The following SEZ6 variants were observed in gnomAD, a reference collection of about 807,000 sequenced individuals.
SEZ6 encodes seizure protein 6 homolog.
A neutral mutation model predicts 101.0 loss-of-function variants in SEZ6; 53 were observed. The observed-to-expected ratio is 0.52, with a 90% CI of 0.42 to 0.66. The LOEUF (loss-of-function observed/expected upper bound fraction) is 0.66. Among genes scored for constraint, SEZ6 ranks in the 30% least tolerant of loss-of-function variants. The pLI is 0.00. For synonymous variants in SEZ6, 488 were observed against 512.2 expected (o/e 0.95, Z 0.64); for missense variants, 1,102 against 1,289.4 (o/e 0.85, Z 2.23).
At position 28,959,765 on chromosome 17, in the gene SEZ6, G is replaced by C. The variant is rs376347264; in HGVS notation, c.1704C>G (p.Gly568=). ...SCDPGYTLEQ[G]SIIIECVDPH... ...GGTCAACACACTCGATGATGATGGA[G>C]CCCTGCTCCAGGGTGTAGCCAGGGT... is the stretch of plus-strand genomic sequence containing the variant. Residue 568 remains glycine (G), a synonymous_variant, in exon 8 of 17, where the codon GGC becomes GGG. Coordinates refer to ENST00000317338, the MANE Select transcript of SEZ6 (RefSeq NM_178860.5). The surrounding 1 kb of genome is among the most constrained non-coding windows in gnomAD (Gnocchi z 4.4). 23 of 1,613,240 alleles carry C rather than the reference G, an allele frequency of 1.4e-5. No individual in the cohort carries two copies. Among genetic ancestry groups the C allele is most frequent in the Non-Finnish European group, 1.9e-5 (23 of 1,179,588 alleles).
chr17:28,960,891 G>A lies in SEZ6; in HGVS notation c.1323C>T (p.Leu441=), dbSNP rs752630557. The A allele has an allele frequency of 1.9e-6, 3 of 1,613,984 alleles. No homozygotes were observed. Among genetic ancestry groups the A allele is most frequent in the South Asian group, 2.2e-5 (2 of 91,086 alleles). Residue 441 remains leucine (L), a synonymous_variant, in exon 6 of 17, where the codon CTC becomes CTT. Coordinates refer to ENST00000317338, the MANE Select transcript of SEZ6 (RefSeq NM_178860.5). ...PGFPGNYSNN[L]TCHWLLEAPE... is the part of the protein sequence containing the mutation. ...GAGCCTCAAGCAGCCAGTGACAGGTGAGGTTGTTGCTGTAGTTGCCCGGGA... is the reference window on the plus strand; with the variant it reads ...GAGCCTCAAGCAGCCAGTGACAGGTAAGGTTGTTGCTGTAGTTGCCCGGGA...
chr17:28,979,554 G>T, intron 3 of SEZ6, 126 bp downstream of exon 3: 1 of 1,384,810 alleles, frequency 7.2e-7, no homozygotes, highest in Non-Finnish European at 9.9e-7. Flanking sequence ...TCCCAGCCCT[G>T]GCCTTAGGCG....
intron 3 of SEZ6, among the ~76,000 whole-genome samples, chr17:28,973,072 C>T (rs537880668): frequency 6.6e-5 from 10 of 152,166 alleles, no homozygotes; most frequent in South Asian, 2.1e-4. Flanking sequence ...GAAGCTGTAG[C>T]GACAGAGTAA....
intron 1 of SEZ6, among the ~76,000 whole-genome samples, chr17:29,004,502 T>A (rs1452890069): frequency 1.3e-5 from 2 of 152,144 alleles, no homozygotes; most frequent in African/African-American, 4.8e-5. Context: ...CTGGGCTGTG[T>A]GCAAGTGGAG....
At position 28,959,625 on chromosome 17, in the gene SEZ6, C is replaced by T. The variant is rs942740522; in HGVS notation, c.1771+73G>A. 4.2e-5 allele frequency: 65 copies of T among 1,530,996 alleles called. No individual in the cohort carries two copies. Among genetic ancestry groups the T allele is most frequent in the Middle Eastern group, 2.4e-4 (1 of 4,166 alleles). The allele number at this position is 1,530,996 out of a possible 1,614,324, so 94.8% of individuals were successfully genotyped here. ...GCATATCACAGGGCCCCTGTGGCCC[C>T]GGGCTCTGCTGCTATTCTCCTGGTA... On this transcript the variant is annotated intron_variant, in intron 8 of 16. Coordinates refer to ENST00000317338, the MANE Select transcript of SEZ6 (RefSeq NM_178860.5). The surrounding 1 kb of genome is among the most constrained non-coding windows in gnomAD (Gnocchi z 4.4).
chr17:28,974,811 C>G (rs1244398378), intron 3 of SEZ6, among the ~76,000 whole-genome samples: 1 of 152,138 alleles, frequency 6.6e-6, no homozygotes, highest in Admixed American at 6.5e-5. Context: ...TGACAGGTAC[C>G]GGTCTCCGCC....
At position 28,955,728 on chromosome 17, in the gene SEZ6, C is replaced by A. The variant is rs147119635; in HGVS notation, c.*234G>T. ...GCTATGTTCTTCCCACAGGTAGATG[C>A]CCCCTGACATGGGCCCAATGAAGGG... On this transcript the variant is annotated 3_prime_UTR_variant, in exon 17 of 17. Coordinates refer to ENST00000317338, the MANE Select transcript of SEZ6 (RefSeq NM_178860.5). 5.8e-3 allele frequency: 4,007 copies of A among 686,642 alleles called. 24 individuals carry two copies. Among genetic ancestry groups the A allele is most frequent in the Non-Finnish European group, 7.5e-3 (2,805 of 375,270 alleles). The allele number at this position is 686,642 out of a possible 1,614,324, so 42.5% of individuals were successfully genotyped here.
chr17:28,972,556 C>T (rs1038603939), intron 3 of SEZ6, among the ~76,000 whole-genome samples: 7 of 152,128 alleles, frequency 4.6e-5, no homozygotes, highest in African/African-American at 1.4e-4. Flanking sequence ...TGCTGGAGGC[C>T]GAGGCGTCTC....
intron 10 of SEZ6, among the ~76,000 whole-genome samples, chr17:28,958,481 C>T (rs181292239): frequency 3.5e-3 from 533 of 152,254 alleles, no homozygotes; most frequent in Admixed American, 5.7e-3. Context: ...TTCCTTAGTT[C>T]CCCCATTTTT....
At position 28,979,879 on chromosome 17, in the gene SEZ6, CCGTGTG is replaced by C. The variant is rs1235878568; in HGVS notation, c.725-72_725-67del. ...GTGAAGTGGTCCAACTAAGGCTGAACCGTGTGTGTGTGTGTGTGTGTGTGTGTGTGT... is the reference window on the plus strand; with the variant it reads ...GTGAAGTGGTCCAACTAAGGCTGAACTGTGTGTGTGTGTGTGTGTGTGTGT... On this transcript the variant is annotated intron_variant, in intron 2 of 16. Coordinates refer to ENST00000317338, the MANE Select transcript of SEZ6 (RefSeq NM_178860.5). 6.6e-6 allele frequency: 8 copies of C among 1,216,748 alleles called. No individual in the cohort carries two copies. The South Asian group carries it at 7.2e-5, about 11-fold the overall frequency. 75.4% of individuals were successfully genotyped at this position (1,216,748 alleles called of 1,614,324 possible).
chr17:28,991,586 C>T (rs1437239028), intron 1 of SEZ6, among the ~76,000 whole-genome samples: 1 of 152,184 alleles, frequency 6.6e-6, no homozygotes, highest in Non-Finnish European at 1.5e-5. Flanking sequence ...CTCAGCCTTA[C>T]AGTAGTCACA....
chr17:29,005,820 G>T lies in SEZ6; in HGVS notation c.50C>A (p.Ala17Asp). 1 of 1,485,512 alleles carries T rather than the reference G, an allele frequency of 6.7e-7. No homozygotes were observed. Among genetic ancestry groups the T allele is most frequent in the Middle Eastern group, 2.2e-4 (1 of 4,466 alleles). The allele number at this position is 1,485,512 out of a possible 1,614,324, so 92.0% of individuals were successfully genotyped here. A position where few individuals can be genotyped will look rare whatever the true frequency, so the allele number is the denominator to read the frequency against. ...LLLPSLLALL[A>D]HGLSLEAPTV... ...CGGATGCCGGGGTCCCTTACCGTGA[G>T]CCAGGAGCGCCAGCAGCGAGGGCAG... is the stretch of plus-strand genomic sequence containing the variant. The change falls in exon 1 of 17, where the codon GCT becomes GAT. Residue 17 changes from alanine (A) to aspartate (D), a missense_variant. This residue lies in a region of SEZ6 where 406 missense variants were observed against 418.6 expected (regional missense o/e 0.97). Transcript: ENST00000317338. This position sits in a 1 kb window ranked among gnomAD's most constrained non-coding sequence, Gnocchi z 4.8.
In SEZ6 at chr17:28,956,123, C is replaced by A. The variant is rs201092294; in HGVS notation, c.2952+36G>T. 1.8e-5 allele frequency: 29 copies of A among 1,597,130 alleles called. 1 individual carries two copies. In the East Asian group the frequency reaches 6.5e-4, roughly 36 times the overall value. On this transcript the variant is annotated intron_variant, in intron 16 of 16. Coordinates refer to ENST00000317338, the MANE Select transcript of SEZ6 (RefSeq NM_178860.5). ...TGCCCAAAGAAGCAAAGAACTGGGTCTTGGATAGGGTGGCAAGGCTGGCAT... is the reference window on the plus strand; with the variant it reads ...TGCCCAAAGAAGCAAAGAACTGGGTATTGGATAGGGTGGCAAGGCTGGCAT...
upstream of SEZ6, chr17:29,006,058 G>A (rs1309313903): frequency 1.5e-5 from 6 of 397,550 alleles, no homozygotes; most frequent in East Asian, 1.8e-4. Flanking sequence ...GACGGCGCCG[G>A]GGATCGCCGA....
At chr17:29,003,301 G>A (rs1017431697) in intron 1 of SEZ6, among the ~76,000 whole-genome samples, 4 of 152,176 alleles carry the variant, frequency 2.6e-5, no homozygotes, top group Non-Finnish European at 5.9e-5. Flanking sequence ...GGCCCAAGAC[G>A]CCCCTGATGC....
intron 11 of SEZ6, 30 bp downstream of exon 11, chr17:28,957,917 A>G: frequency 1.9e-6 from 3 of 1,596,170 alleles, no homozygotes; most frequent in Non-Finnish European, 2.6e-6. Flanking sequence ...TTGTGTTGGG[A>G]AGGGGAGCGT....
intron 4 of SEZ6, among the ~76,000 whole-genome samples, chr17:28,968,767 G>A (rs1052964974): frequency 1.3e-5 from 2 of 152,172 alleles, no homozygotes; most frequent in African/African-American, 2.4e-5. Context: ...CTGCGGAAGT[G>A]GTCCATGACA....
chr17:28,963,216 C>A (rs1440833194), intron 5 of SEZ6, among the ~76,000 whole-genome samples: 1 of 152,144 alleles, frequency 6.6e-6, no homozygotes, highest in Non-Finnish European at 1.5e-5. Context: ...TTTTCATTGG[C>A]AGCAATCCCA....
At chr17:28,998,247 G>T (rs1265506333) in intron 1 of SEZ6, among the ~76,000 whole-genome samples, 2 of 152,184 alleles carry the variant, frequency 1.3e-5, no homozygotes, top group African/African-American at 4.8e-5. Flanking sequence ...GGCGCTCAGT[G>T]GTTTAGGCAC....
Sources: allele counts gnomAD v4.1 joint callset (sites outside exome capture counted in the v4.1 genomes callset), GRCh38; gene constraint gnomAD v4.1.1; regional missense constraint gnomAD v4.1.1; non-coding constraint Gnocchi (gnomAD v3.1); transcripts MANE v1.5; gene names NCBI Gene and HGNC (gene_info 2026-07-23, HGNC 2026-07-21).